ZPBP: variants seen among roughly 807,000 people sequenced by gnomAD.
The protein encoded by ZPBP is zona pellucida binding protein.
Under a neutral mutation model 44.8 loss-of-function variants are expected in ZPBP, and 26 were observed. The ratio of observed to expected loss-of-function variants is 0.58; its 90% CI spans 0.43 to 0.81. ZPBP has a LOEUF of 0.81. ZPBP is among the 30% of genes least tolerant of loss of function. ZPBP has a pLI of 0.00. For missense variants in ZPBP, 409 were observed against 434.0 expected (o/e 0.94, Z 0.51); for synonymous variants, 174 against 153.2 (o/e 1.14, Z -1.00).
In ZPBP at chr7:50,058,114, G is replaced by T; in HGVS notation, c.362C>A (p.Ser121Tyr). ...ATTTTGGAATACAAGGCTTCCTGTG[G>T]ATGTTATTTGTGCAGTGCGGTTTTC... ...SVENRTAQIT[S>Y]TGSLVFQNFE... Residue 121 changes from serine to tyrosine, a missense_variant, in exon 4 of 8, where the codon TCC (serine) becomes TAC (tyrosine). Physicochemically the swap from Ser to Tyr is moderately radical, Grantham distance 144 (BLOSUM62 -2). This residue lies in a region of ZPBP where 367 missense variants were observed against 363.1 expected (regional missense o/e 1.01). Coordinates refer to ENST00000046087, the MANE Select transcript of ZPBP (RefSeq NM_007009.3). 6.2e-7 allele frequency: 1 copy of T among 1,613,816 alleles called. No homozygotes were observed. Among genetic ancestry groups the T allele is most frequent in the African/African-American group, 1.3e-5 (1 of 75,010 alleles).
intron 1 of ZPBP, among the ~76,000 whole-genome samples, chr7:49,906,033 T>C (rs1308313314): frequency 6.6e-6 from 1 of 152,206 alleles, no homozygotes; most frequent in Non-Finnish European, 1.5e-5. Context: ...CATAAATAAT[T>C]GACTCCCTGT....
intron 6 of ZPBP, among the ~76,000 whole-genome samples, chr7:50,008,677 C>A (rs1584032758): frequency 2.0e-5 from 3 of 152,052 alleles, no homozygotes; most frequent in African/African-American, 7.2e-5. Context: ...GACAAACAGA[C>A]CAATGGAACA....
At chr7:49,864,288 G>T (rs1790790689) in intron 2 of ZPBP, among the ~76,000 whole-genome samples, 1 of 152,162 alleles carries the variant, frequency 6.6e-6, no homozygotes, top group Non-Finnish European at 1.5e-5. Context: ...GAAGATAGGA[G>T]AACCTCTTGT....
At chr7:49,957,093 T>C (rs117208802) in intron 7 of ZPBP, among the ~76,000 whole-genome samples, 2 of 152,298 alleles carry the variant, frequency 1.3e-5, no homozygotes, top group African/African-American at 2.4e-5. Flanking sequence ...TTTGTCTCTG[T>C]TTCTCTCTCT....
chr7:49,868,611 T>C (rs1200886960), intron 2 of ZPBP, among the ~76,000 whole-genome samples: 3 of 152,176 alleles, frequency 2.0e-5, no homozygotes, highest in Admixed American at 6.5e-5. Context: ...AATGATCTCA[T>C]GTAGGGAGTT....
At chr7:49,963,564 C>A (rs1795941737) in intron 7 of ZPBP, among the ~76,000 whole-genome samples, 1 of 151,642 alleles carries the variant, frequency 6.6e-6, no homozygotes, top group South Asian at 2.1e-4. Context: ...ATAAGGGAAC[C>A]ATTTAGGGTG....
intron 2 of ZPBP, among the ~76,000 whole-genome samples, chr7:50,084,161 AG>A (rs1407318804): frequency 6.6e-6 from 1 of 151,952 alleles, no homozygotes; most frequent in Non-Finnish European, 1.5e-5. Flanking sequence ...AAATGGAAAA[AG>A]TTGGGTAAAA....
chr7:50,035,383 T>C (rs980347309), intron 4 of ZPBP, among the ~76,000 whole-genome samples: 2 of 152,216 alleles, frequency 1.3e-5, no homozygotes, highest in Admixed American at 1.3e-4. Context: ...TGCTTTCTAC[T>C]AAATAGGTGA....
chr7:49,868,466 T>C (rs1461110455), intron 2 of ZPBP, among the ~76,000 whole-genome samples: 1 of 152,250 alleles, frequency 6.6e-6, no homozygotes, highest in Non-Finnish European at 1.5e-5. Context: ...GTATATGTAC[T>C]GTATTTTATA....
At chr7:49,855,591 C>T (rs565441135) in intron 2 of ZPBP, among the ~76,000 whole-genome samples, 5 of 152,204 alleles carry the variant, frequency 3.3e-5, no homozygotes, top group South Asian at 4.1e-4. Context: ...AGGTAGGTAG[C>T]GTCCCTTTAA....
At chr7:50,026,947 G>A (rs532637524) in intron 5 of ZPBP, among the ~76,000 whole-genome samples, 2 of 152,034 alleles carry the variant, frequency 1.3e-5, no homozygotes, top group South Asian at 4.1e-4. Context: ...AATTCTTTGT[G>A]TTTTATAGTC....
chr7:50,036,329 T>C (rs1461388180), intron 4 of ZPBP, among the ~76,000 whole-genome samples: 1 of 152,158 alleles, frequency 6.6e-6, no homozygotes, highest in East Asian at 1.9e-4. Flanking sequence ...CTTTTTTCTT[T>C]TTAGTAGAGA....
chr7:50,091,168 T>G (rs1029982636), intron 1 of ZPBP, among the ~76,000 whole-genome samples: 12 of 148,870 alleles, frequency 8.1e-5, no homozygotes, highest in Admixed American at 4.7e-4. Context: ...ACTGTTGGGG[T>G]TTTTTTTCAT....
chr7:49,985,703 G>A (rs1463027282), intron 6 of ZPBP, among the ~76,000 whole-genome samples: 2 of 151,510 alleles, frequency 1.3e-5, no homozygotes, highest in African/African-American at 4.9e-5. Context: ...GATAGATGCA[G>A]GAGGCAGATA....
At chr7:50,064,333 C>T (rs748317261) in intron 3 of ZPBP, among the ~76,000 whole-genome samples, 40 of 152,194 alleles carry the variant, frequency 2.6e-4, no homozygotes, top group Non-Finnish European at 3.8e-4. Context: ...ACCACAGGAC[C>T]GAGGTGAAAT....
At chr7:49,912,119 T>C (rs1345327711) in intron 1 of ZPBP, 5 of 1,613,974 alleles carry the variant, frequency 3.1e-6, no homozygotes, top group Non-Finnish European at 4.2e-6. Context: ...ACTGTACTTA[T>C]GAGGAAGGCA....
chr7:49,961,369 T>C (rs1336091137), intron 7 of ZPBP, among the ~76,000 whole-genome samples: 1 of 152,170 alleles, frequency 6.6e-6, no homozygotes, highest in Non-Finnish European at 1.5e-5. Context: ...AAGGAATATA[T>C]ATACTACATG....
chr7:49,909,880 G>A (rs956450013), intron 1 of ZPBP, among the ~76,000 whole-genome samples: 4 of 152,120 alleles, frequency 2.6e-5, no homozygotes, highest in African/African-American at 9.7e-5. Context: ...AAGGCGGGAG[G>A]ATCTCTTGAG....
the ZPBP span, among the ~76,000 whole-genome samples, chr7:49,843,595 G>T: frequency 6.6e-6 from 1 of 152,172 alleles, no homozygotes; most frequent in Non-Finnish European, 1.5e-5. Context: ...AGTTTTGTAT[G>T]TACAGAAAGG....
Sources: allele counts gnomAD v4.1 joint callset (sites outside exome capture counted in the v4.1 genomes callset), GRCh38; gene constraint gnomAD v4.1.1; regional missense constraint gnomAD v4.1.1; transcripts MANE v1.5; gene names NCBI Gene and HGNC (gene_info 2026-07-23, HGNC 2026-07-21).